CRYGS: variants seen among roughly 807,000 people sequenced by gnomAD.
CRYGS encodes the protein crystallin gamma S.
CRYGS carries 13 observed loss-of-function variants against 21.3 expected under a neutral mutation model. The ratio of observed to expected loss-of-function variants is 0.61; its 90% CI spans 0.40 to 0.97. CRYGS has a LOEUF of 0.97. CRYGS is among the 50% of genes least tolerant of loss of function. The pLI is 0.00. For synonymous variants in CRYGS, 67 were observed against 75.0 expected, an observed-to-expected ratio of 0.89 and a Z score of 0.55; for missense variants, 205 against 229.7, an observed-to-expected ratio of 0.89 and a Z score of 0.69.
Position 186,539,572 on chromosome 3 carries a change from A to C in CRYGS, c.47T>G (p.Phe16Cys). ...TKITFYEDKN[F>C]QGRRYDCDCD... ...ATCACAGTCATAGCGACGGCCTTGA[A>C]AATTTTTGTCTTCATAGAAAGTAAT... Residue 16 changes from phenylalanine (F) to cysteine (C), a missense_variant, in exon 2 of 3, where the codon TTT becomes TGT. Physicochemically the swap from Phe to Cys is radical, Grantham distance 205 (BLOSUM62 -2). Transcript: ENST00000307944. The C allele has an allele frequency of 6.2e-7, 1 of 1,614,052 alleles. No individual in the cohort carries two copies. The highest frequency in any genetic ancestry group is 8.5e-7 in the Non-Finnish European group (1 of 1,179,892).
At chr3:186,539,623 G>C (rs765369492) in intron 1 of CRYGS, 26 bp from the exon 2 acceptor site, 4 of 1,613,688 alleles carry the variant, frequency 2.5e-6, no homozygotes, top group Admixed American at 3.3e-5. Context: ...AACAGAGAAA[G>C]AGCTGAGGAG....
chr3:186,541,519 G>C (rs1402964768), intron 1 of CRYGS, among the ~76,000 whole-genome samples: 2 of 152,198 alleles, frequency 1.3e-5, no homozygotes, highest in African/African-American at 2.4e-5. Flanking sequence ...ACGTGACCTT[G>C]GACAGGGCAA....
intron 1 of CRYGS, 113 bp from the exon 2 acceptor site, chr3:186,539,710 G>T: frequency 7.7e-7 from 1 of 1,299,294 alleles, no homozygotes. Context: ...CAATTTTGAG[G>T]AAAAATATGT....
At position 186,544,337 on chromosome 3, in the gene CRYGS, T is replaced by C. The variant is rs773393004; in HGVS notation, c.-11A>G. 1.9e-6 allele frequency: 3 copies of C among 1,597,836 alleles called. No homozygotes were observed. Among genetic ancestry groups the C allele is most frequent in the Admixed American group, 1.7e-5 (1 of 60,000 alleles). On this transcript the variant is annotated 5_prime_UTR_variant, in exon 1 of 3. The change abolishes an upstream ATG in the 5' untranslated region. Coordinates refer to ENST00000307944, the MANE Select transcript of CRYGS (RefSeq NM_017541.4). ...TCCAGTTTTAGACATTTTTGGTGCA[T>C]AGACTGGTTTTCCCAGTGCTGAAAG...
chr3:186,543,538 A>G (rs1475453782), intron 1 of CRYGS, among the ~76,000 whole-genome samples: 1 of 152,220 alleles, frequency 6.6e-6, no homozygotes. Flanking sequence ...GAGACCAAAT[A>G]TGGCAAAATG....
At chr3:186,540,553 G>T (rs964563522) in intron 1 of CRYGS, 1 of 153,710 alleles carries the variant, frequency 6.5e-6, no homozygotes, top group African/African-American at 2.4e-5. Flanking sequence ...TACAGAGCTT[G>T]TCCCTTGTTA....
intron 1 of CRYGS, among the ~76,000 whole-genome samples, chr3:186,542,274 A>T (rs538768035): frequency 6.6e-6 from 1 of 152,334 alleles, no homozygotes; most frequent in African/African-American, 2.4e-5. Context: ...TCCAAGACTA[A>T]GCTCTCCTTT....
At chr3:186,539,124 A>G (rs115903195) in intron 2 of CRYGS, among the ~76,000 whole-genome samples, 156 bp from the exon 3 acceptor site, 471 of 152,322 alleles carry the variant, frequency 3.1e-3, no homozygotes, top group African/African-American at 0.011. Flanking sequence ...GCTAACTTTC[A>G]ATAAGAAAAA....
intron 2 of CRYGS, 142 bp downstream of exon 2, chr3:186,539,212 TA>T: frequency 8.4e-7 from 1 of 1,187,102 alleles, no homozygotes; most frequent in Non-Finnish European, 1.2e-6. Flanking sequence ...TGAGCTGCTC[TA>T]AGATGTTACT....
intron 1 of CRYGS, among the ~76,000 whole-genome samples, 175 bp downstream of exon 1, chr3:186,544,131 G>A (rs554594913): frequency 3.9e-5 from 6 of 152,138 alleles, no homozygotes; most frequent in East Asian, 1.9e-4. Flanking sequence ...TAAAGTGTTC[G>A]GTAATTCTGT....
At chr3:186,541,209 C>A (rs1369441718) in intron 1 of CRYGS, among the ~76,000 whole-genome samples, 1 of 152,186 alleles carries the variant, frequency 6.6e-6, no homozygotes, top group Non-Finnish European at 1.5e-5. Flanking sequence ...ATCTCATTCT[C>A]CTCTATCCTG....
At chr3:186,539,093 C>G in intron 2 of CRYGS, 125 bp from the exon 3 acceptor site, 1 of 1,212,290 alleles carries the variant, frequency 8.2e-7, no homozygotes, top group Non-Finnish European at 1.2e-6. Flanking sequence ...ACTCCCATCT[C>G]ACCATGTACT....
chr3:186,539,592 A>G lies in CRYGS; in HGVS notation c.27T>C (p.Thr9=). The G allele has an allele frequency of 1.2e-6, 2 of 1,614,014 alleles. No individual in the cohort carries two copies. Among genetic ancestry groups the G allele is most frequent in the Non-Finnish European group, 1.7e-6 (2 of 1,179,882 alleles). Residue 9 remains threonine (T), a synonymous_variant, in exon 2 of 3, where the codon ACT becomes ACC. Coordinates refer to ENST00000307944, the MANE Select transcript of CRYGS (RefSeq NM_017541.4). MSKTGTKI[T]FYEDKNFQGR... ...CTTGAAAATTTTTGTCTTCATAGAA[A>G]GTAATCTGAAGTAGAGGGCCAACAG...
chr3:186,542,891 G>A (rs1316937074), intron 1 of CRYGS, among the ~76,000 whole-genome samples: 2 of 151,938 alleles, frequency 1.3e-5, no homozygotes, highest in African/African-American at 4.8e-5. Flanking sequence ...ATATTTTCAA[G>A]AACCTCAGAG....
At chr3:186,541,905 G>A (rs559931344) in intron 1 of CRYGS, among the ~76,000 whole-genome samples, 2 of 152,188 alleles carry the variant, frequency 1.3e-5, no homozygotes, top group African/African-American at 4.8e-5. Flanking sequence ...TCTTCCTCAT[G>A]ACCTGTGGAG....
intron 1 of CRYGS, chr3:186,540,675 T>A: frequency 1.3e-6 from 1 of 748,044 alleles, no homozygotes; most frequent in Non-Finnish European, 1.6e-6. Flanking sequence ...GTTAATTACC[T>A]GGCATTATGC....
At chr3:186,539,997 T>A (rs1714021281) in intron 1 of CRYGS, 1 of 242,460 alleles carries the variant, frequency 4.1e-6, no homozygotes, top group Non-Finnish European at 8.2e-6. Flanking sequence ...ATTTGAGCTA[T>A]CAATCCTCTG....
intron 1 of CRYGS, chr3:186,539,875 T>A (rs1714018699): frequency 2.4e-6 from 1 of 412,238 alleles, no homozygotes; most frequent in African/African-American, 2.0e-5. Flanking sequence ...TTCCTTCCTT[T>A]ATGTTCCCAC....
chr3:186,539,665 G>A, intron 1 of CRYGS, 68 bp from the exon 2 acceptor site: 1 of 1,583,368 alleles, frequency 6.3e-7, no homozygotes. Flanking sequence ...TAAAAATTAA[G>A]AACATAATGC....
Sources: gnomAD v4.1 joint callset for allele counts (sites outside exome capture counted in the v4.1 genomes callset) on GRCh38, gnomAD v4.1.1 for gene constraint, MANE v1.5 for transcripts, NCBI Gene and HGNC (gene_info 2026-07-23, HGNC 2026-07-21) for gene names.